Variants in TSPAN18 observed in about 807,000 individuals in gnomAD.
TSPAN18 encodes tetraspanin-18.
TSPAN18 carries 14 observed loss-of-function variants against 27.3 expected under a neutral mutation model. The observed-to-expected ratio is 0.51, with a 90% CI of 0.34 to 0.80. The LOEUF (loss-of-function observed/expected upper bound fraction) is 0.80, where lower values mean the gene tolerates loss of function less well. TSPAN18 is among the 30% of genes least tolerant of loss of function. The pLI, the probability that TSPAN18 is intolerant of heterozygous loss-of-function variation, is 0.01. For synonymous variants in TSPAN18, 143 were observed against 136.5 expected (o/e 1.05, Z -0.33); for missense variants, 268 against 323.9 (o/e 0.83, Z 1.32).
At chr11:44,835,320 A>C (rs549485561) in intron 2 of TSPAN18, among the ~76,000 whole-genome samples, 1 of 152,366 alleles carries the variant, frequency 6.6e-6, no homozygotes. Context: ...AGGTTAGGAC[A>C]TGAACCTGCA....
At chr11:44,843,314 G>A (rs1857413632) in intron 2 of TSPAN18, among the ~76,000 whole-genome samples, 1 of 152,156 alleles carries the variant, frequency 6.6e-6, no homozygotes, top group South Asian at 2.1e-4. Context: ...TGCCCCACAA[G>A]CCACAAAAAC....
At chr11:44,872,911 C>G (rs762011899) in intron 3 of TSPAN18, among the ~76,000 whole-genome samples, 1 of 152,162 alleles carries the variant, frequency 6.6e-6, no homozygotes, top group Non-Finnish European at 1.5e-5. Context: ...GATCCATGAC[C>G]AGGCAGTGGC....
At chr11:44,803,697 A>G (rs1457055298) in intron 2 of TSPAN18, among the ~76,000 whole-genome samples, 1 of 152,148 alleles carries the variant, frequency 6.6e-6, no homozygotes, top group African/African-American at 2.4e-5. Flanking sequence ...GGACAACTCT[A>G]TAGGACTTTG....
At chr11:44,766,143 C>T (rs1260000567) in intron 2 of TSPAN18, among the ~76,000 whole-genome samples, 1 of 152,204 alleles carries the variant, frequency 6.6e-6, no homozygotes, top group Non-Finnish European at 1.5e-5. Flanking sequence ...TCTTAGTCAC[C>T]AATCTGATAG....
intron 2 of TSPAN18, among the ~76,000 whole-genome samples, chr11:44,825,410 C>T (rs835827): frequency 0.033 from 5,014 of 152,290 alleles, 160 homozygotes; most frequent in African/African-American, 0.071. Context: ...AGGAAATGGG[C>T]AGCCTGGGTG....
intron 2 of TSPAN18, among the ~76,000 whole-genome samples, chr11:44,837,108 T>C (rs1206825272): frequency 6.6e-6 from 1 of 152,234 alleles, no homozygotes; most frequent in African/African-American, 2.4e-5. Flanking sequence ...ATAGCAGCCA[T>C]AGATAGTGAT....
At chr11:44,894,381 C>T (rs747239645) in intron 3 of TSPAN18, among the ~76,000 whole-genome samples, 72 of 152,238 alleles carry the variant, frequency 4.7e-4, no homozygotes, top group Non-Finnish European at 1.0e-3. Context: ...CTCGGCTCTG[C>T]ACCAGCCCAA....
chr11:44,850,583 C>A (rs1384996084), intron 2 of TSPAN18, among the ~76,000 whole-genome samples: 1 of 152,134 alleles, frequency 6.6e-6, no homozygotes, highest in Non-Finnish European at 1.5e-5. Context: ...ACTTACTGAG[C>A]CTTACTCTGC....
chr11:44,780,763 A>G lies in TSPAN18; in HGVS notation c.-153+16251A>G, dbSNP rs370792275. Among the ~76,000 whole-genome samples the G allele has an allele frequency of 1.5e-3, 229 of 152,328 alleles. 2 individuals carry two copies. The highest frequency in any genetic ancestry group is 3.4e-3 in the Middle Eastern group (1 of 294). On this transcript the variant is annotated intron_variant, in intron 2 of 9. Coordinates refer to ENST00000520358, the MANE Select transcript of TSPAN18 (RefSeq NM_130783.5). ...TTTCCCCATCTGTAAAATAGGGATCATGGTTCCTCACTCCTGGGGAGGGGC... is the reference window on the plus strand; with the variant it reads ...TTTCCCCATCTGTAAAATAGGGATCGTGGTTCCTCACTCCTGGGGAGGGGC...
intron 5 of TSPAN18, among the ~76,000 whole-genome samples, chr11:44,912,622 T>G (rs1363831615): frequency 5.9e-5 from 9 of 152,156 alleles, no homozygotes; most frequent in Non-Finnish European, 1.3e-4. Flanking sequence ...GTATGTGTAT[T>G]GTGTATACAT....
intron 3 of TSPAN18, among the ~76,000 whole-genome samples, chr11:44,861,793 TCACACACACA>T (rs56816197): frequency 3.2e-4 from 42 of 132,144 alleles, no homozygotes; most frequent in Admixed American, 4.8e-4. Flanking sequence ...AGCCCAAATT[TCACACACACA>T]CACACACACA....
At chr11:44,867,387 A>ATTT (rs1858066710) in intron 3 of TSPAN18, among the ~76,000 whole-genome samples, 29 of 72,194 alleles carry the variant, frequency 4.0e-4, no homozygotes, top group Non-Finnish European at 7.4e-4. Flanking sequence ...TGGTTTATGA[A>ATTT]TCTTTTTTTT....
rs145909100 is a variant in TSPAN18, at chr11:44,762,769, T to C, written c.-239-1657T>C. On this transcript the variant is annotated intron_variant, in intron 1 of 9. Transcript: ENST00000520358. ...GACATTTGAGGCCCAGATAGCTAAATAAAATGAGGTCCCATCCTCCAGCCA... is the reference window on the plus strand; with the variant it reads ...GACATTTGAGGCCCAGATAGCTAAACAAAATGAGGTCCCATCCTCCAGCCA... Among the ~76,000 whole-genome samples, 229 of 152,220 alleles carry C rather than the reference T, an allele frequency of 1.5e-3. 1 individual carries two copies. The highest frequency in any genetic ancestry group is 5.2e-3 in the African/African-American group (216 of 41,538).
intron 5 of TSPAN18, among the ~76,000 whole-genome samples, chr11:44,914,243 C>T (rs182616474): frequency 6.6e-5 from 10 of 152,294 alleles, no homozygotes; most frequent in East Asian, 3.9e-4. Context: ...TAAACAGCCC[C>T]GGAGCCAAGG....
At chr11:44,800,006 G>GTTTTTTTTTTTTT (rs60067559) in intron 2 of TSPAN18, among the ~76,000 whole-genome samples, 86 of 109,368 alleles carry the variant, frequency 7.9e-4, no homozygotes, top group Non-Finnish European at 1.3e-3. Context: ...AATTTTTTGT[G>GTTTTTTTTTTTTT]TTTTTTTTTT....
intron 2 of TSPAN18, among the ~76,000 whole-genome samples, chr11:44,779,899 C>A (rs1272940913): frequency 6.6e-6 from 1 of 152,036 alleles, no homozygotes; most frequent in Non-Finnish European, 1.5e-5. Flanking sequence ...ATGCACTCAT[C>A]TGCCCACATC....
At chr11:44,749,050 T>C (rs941251995) in intron 1 of TSPAN18, among the ~76,000 whole-genome samples, 1 of 152,194 alleles carries the variant, frequency 6.6e-6, no homozygotes, top group Non-Finnish European at 1.5e-5. Flanking sequence ...TCATACTGCA[T>C]GTCTGGCAGA....
In TSPAN18 at chr11:44,815,082, G is replaced by A. The variant is rs187772668; in HGVS notation, c.-152-45246G>A. ...GGAGCATGGCAGTGGGAAGATTAGA[G>A]TGGCAGATGGTGAAGCCAGTCAGAG... is the stretch of plus-strand genomic sequence containing the variant. On this transcript the variant is annotated intron_variant, in intron 2 of 9. Transcript: ENST00000520358. 3.3e-5 allele frequency among the ~76,000 whole-genome samples: 5 copies of A among 152,302 alleles called. No individual in the cohort carries two copies. In the East Asian group the frequency reaches 7.7e-4, roughly 24 times the overall value.
intron 1 of TSPAN18, among the ~76,000 whole-genome samples, chr11:44,732,773 T>C (rs1329374004): frequency 6.6e-6 from 1 of 152,234 alleles, no homozygotes; most frequent in Non-Finnish European, 1.5e-5. Flanking sequence ...TGAATCCCGA[T>C]TCTGCAATTT....
Sources: gnomAD v4.1 joint callset for allele counts (sites outside exome capture counted in the v4.1 genomes callset) on GRCh38, gnomAD v4.1.1 for gene constraint, MANE v1.5 for transcripts, NCBI Gene and HGNC (gene_info 2026-07-23, HGNC 2026-07-21) for gene names.